EPHB2: variants seen among roughly 807,000 people sequenced by gnomAD.
EPHB2 encodes the protein ephrin type-B receptor 2.
In EPHB2, 18 loss-of-function variants were observed where a neutral mutation model predicts 96.4. The observed-to-expected ratio is 0.19, with a 90% CI of 0.13 to 0.28. EPHB2 has a LOEUF of 0.28. EPHB2 is among the 10% of genes least tolerant of loss of function. The pLI is 1.00. For missense variants in EPHB2, 989 were observed against 1,355.4 expected, an observed-to-expected ratio of 0.73 and a Z score of 4.25; for synonymous variants, 506 against 534.1, an observed-to-expected ratio of 0.95 and a Z score of 0.72.
At chr1:22,799,022 A>T (rs989419457) in intron 3 of EPHB2, among the ~76,000 whole-genome samples, 10 of 152,224 alleles carry the variant, frequency 6.6e-5, no homozygotes, top group African/African-American at 2.4e-4. Flanking sequence ...CAGGTACCTA[A>T]TATGTGCGTG....
intron 5 of EPHB2, among the ~76,000 whole-genome samples, chr1:22,872,401 G>T (rs1638702513): frequency 6.6e-6 from 1 of 152,066 alleles, no homozygotes; most frequent in Non-Finnish European, 1.5e-5. Flanking sequence ...CCATCTCAAG[G>T]GTCATAACCT....
At chr1:22,783,159 G>A (rs1463736547) in intron 2 of EPHB2, among the ~76,000 whole-genome samples, 4 of 152,216 alleles carry the variant, frequency 2.6e-5, no homozygotes, top group Admixed American at 1.3e-4. Flanking sequence ...GCAACCACAC[G>A]AACAGCTCTG....
chr1:22,841,278 G>A (rs914453446), intron 3 of EPHB2, among the ~76,000 whole-genome samples: 6 of 152,200 alleles, frequency 3.9e-5, no homozygotes, highest in Non-Finnish European at 1.5e-5. Flanking sequence ...AAAGCTTGTG[G>A]AGGACACATG....
chr1:22,793,296 G>A (rs1262062137), intron 3 of EPHB2, among the ~76,000 whole-genome samples: 1 of 152,168 alleles, frequency 6.6e-6, no homozygotes, highest in Admixed American at 6.5e-5. Context: ...CTGCCCAGAT[G>A]CTGAAGGCCC....
chr1:22,861,896 G>A (rs1339797793), intron 3 of EPHB2, among the ~76,000 whole-genome samples: 5 of 152,230 alleles, frequency 3.3e-5, no homozygotes, highest in South Asian at 2.1e-4. Flanking sequence ...GGCATAAAAT[G>A]TACTCCCGGT....
At chr1:22,793,188 TG>T (rs1267214537) in intron 3 of EPHB2, among the ~76,000 whole-genome samples, 1 of 152,214 alleles carries the variant, frequency 6.6e-6, no homozygotes, top group Non-Finnish European at 1.5e-5. Context: ...GTAGGAAATA[TG>T]GGACAATTTG....
In EPHB2 at chr1:22,909,321, A is replaced by G. The variant is rs139766046; in HGVS notation, c.2502+150A>G. Reference sequence around the variant, plus strand: ...GGCTCCCAGGGCAGCTGCCAGCCCAATGGTGGCTGATTCGAATGTCTGCAC... The same window carrying G: ...GGCTCCCAGGGCAGCTGCCAGCCCAGTGGTGGCTGATTCGAATGTCTGCAC... On this transcript the variant is annotated intron_variant, in intron 13 of 15. Coordinates refer to ENST00000374630, the MANE Select transcript of EPHB2 (RefSeq NM_017449.5). 4.2e-4 allele frequency: 529 copies of G among 1,249,668 alleles called. 1 individual carries two copies. In the African/African-American group the frequency reaches 4.8e-3, roughly 11 times the overall value. The allele number at this position is 1,249,668 out of a possible 1,614,324, so 77.4% of individuals were successfully genotyped here.
In EPHB2 at chr1:22,784,775, C is replaced by T. The variant is rs61732489; in HGVS notation, c.510C>T (p.Ser170=). Residue 170 remains serine, a synonymous_variant, in exon 3 of 16, where the codon TCC becomes TCT. Coordinates refer to ENST00000374630, the MANE Select transcript of EPHB2 (RefSeq NM_017449.5). This position sits in a 1 kb window ranked among gnomAD's most constrained non-coding sequence, Gnocchi z 5.1. ...NTEVRSFGPV[S]RSGFYLAFQD... The stretch of plus-strand genomic sequence containing the variant: ...AGGTGCGGAGCTTCGGACCTGTGTC[C>T]CGCAGCGGCTTCTACCTGGCCTTCC... 9.0e-4 allele frequency: 1,449 copies of T among 1,607,528 alleles called. 21 individuals are homozygous for T. The African/African-American group carries it at 0.017, about 19-fold the overall frequency.
intron 1 of EPHB2, among the ~76,000 whole-genome samples, chr1:22,763,377 A>G (rs1364193379): frequency 6.6e-6 from 1 of 152,124 alleles, no homozygotes; most frequent in Non-Finnish European, 1.5e-5. Context: ...CTGCAATCCC[A>G]TCCCTCCAGG....
At chr1:22,853,147 G>A (rs549703357) in intron 3 of EPHB2, among the ~76,000 whole-genome samples, 1 of 152,218 alleles carries the variant, frequency 6.6e-6, no homozygotes, top group Non-Finnish European at 1.5e-5. Flanking sequence ...TCAGGAGATC[G>A]AAACCATCCT....
chr1:22,718,842 T>TA (rs1396270862), intron 1 of EPHB2, among the ~76,000 whole-genome samples: 2 of 152,088 alleles, frequency 1.3e-5, no homozygotes, highest in African/African-American at 4.8e-5. Context: ...CAAGGACACC[T>TA]AGGGAGTGGT....
intron 3 of EPHB2, among the ~76,000 whole-genome samples, chr1:22,797,474 C>A (rs962546156): frequency 3.9e-5 from 6 of 152,120 alleles, no homozygotes; most frequent in Non-Finnish European, 7.4e-5. Context: ...CATCTCCCGA[C>A]CTCTCCACCT....
At chr1:22,895,717 G>T (rs1639537453) in intron 8 of EPHB2, 137 bp downstream of exon 8, 2 of 836,096 alleles carry the variant, frequency 2.4e-6, no homozygotes, top group Non-Finnish European at 1.9e-6. Context: ...GGTAGGAAGT[G>T]GAAGGCTTCA....
chr1:22,822,431 A>G (rs1263752929), intron 3 of EPHB2, among the ~76,000 whole-genome samples: 2 of 152,248 alleles, frequency 1.3e-5, no homozygotes, highest in Non-Finnish European at 2.9e-5. Context: ...TGTTAATATA[A>G]TGCATATTTC....
intron 1 of EPHB2, among the ~76,000 whole-genome samples, chr1:22,728,573 C>G (rs1046029753): frequency 6.6e-6 from 1 of 152,192 alleles, no homozygotes; most frequent in Non-Finnish European, 1.5e-5. Flanking sequence ...GCTGGATAGA[C>G]CATGTCTCTT....
At chr1:22,747,210 C>T (rs976465691) in intron 1 of EPHB2, among the ~76,000 whole-genome samples, 38 of 152,348 alleles carry the variant, frequency 2.5e-4, no homozygotes, top group African/African-American at 8.7e-4. Flanking sequence ...GGCGGGCTCA[C>T]GTCCTCTGTT....
At chr1:22,775,560 C>T (rs113433367) in intron 1 of EPHB2, among the ~76,000 whole-genome samples, 2 of 152,256 alleles carry the variant, frequency 1.3e-5, no homozygotes, top group African/African-American at 4.8e-5. Context: ...CCTGCAGCCA[C>T]CTCCTTTCAG....
Position 22,853,890 on chromosome 1 carries a change from G to A in EPHB2, c.812-9147G>A, listed in dbSNP as rs369476515. On this transcript the variant is annotated intron_variant, in intron 3 of 15. Coordinates refer to ENST00000374630, the MANE Select transcript of EPHB2 (RefSeq NM_017449.5). Reference sequence around the variant, plus strand: ...TGGCAGGGGTGGGGGCCTGGCTGGCGAGGCCTGGGTGCCCCCTTGGGCAAA... The same window carrying A: ...TGGCAGGGGTGGGGGCCTGGCTGGCAAGGCCTGGGTGCCCCCTTGGGCAAA... 2.4e-4 allele frequency among the ~76,000 whole-genome samples: 37 copies of A among 152,354 alleles called. 1 individual carries two copies. The East Asian group carries it at 3.9e-3, about 16-fold the overall frequency.
chr1:22,895,665 G>A (rs1223125264), intron 8 of EPHB2, 85 bp downstream of exon 8: 1 of 1,277,338 alleles, frequency 7.8e-7, no homozygotes, highest in African/African-American at 1.5e-5. Flanking sequence ...TACAGTGCTG[G>A]TGAACCGAGG....
Sources: allele counts gnomAD v4.1 joint callset (sites outside exome capture counted in the v4.1 genomes callset), GRCh38; gene constraint gnomAD v4.1.1; non-coding constraint Gnocchi (gnomAD v3.1); transcripts MANE v1.5; gene names NCBI Gene and HGNC (gene_info 2026-07-23, HGNC 2026-07-21).